The following NETO2 variants were observed in gnomAD, a reference collection of about 807,000 sequenced individuals.
NETO2 encodes the protein neuropilin and tolloid-like protein 2.
A neutral mutation model predicts 62.5 loss-of-function variants in NETO2; 28 were observed. The ratio of observed to expected loss-of-function variants is 0.45; its 90% CI spans 0.33 to 0.61. The LOEUF (loss-of-function observed/expected upper bound fraction) is 0.61. Among genes scored for constraint, NETO2 ranks in the 20% least tolerant of loss-of-function variants. The pLI, the probability that NETO2 is intolerant of heterozygous loss-of-function variation, is 0.02. For synonymous variants in NETO2, 214 were observed against 219.1 expected (o/e 0.98, Z 0.21); for missense variants, 548 against 643.2 (o/e 0.85, Z 1.60).
Position 47,082,021 on chromosome 16 carries a change from T to G in NETO2, c.*1200A>C, listed in dbSNP as rs1963070836. 1 of 152,640 alleles carries G rather than the reference T, an allele frequency of 6.6e-6. No individual in the cohort carries two copies. Among genetic ancestry groups the G allele is most frequent in the Non-Finnish European group, 1.5e-5 (1 of 68,030 alleles). 9.5% of individuals were successfully genotyped at this position (152,640 alleles called of 1,614,324 possible). A position where few individuals can be genotyped will look rare whatever the true frequency, so the allele number is the denominator to read the frequency against. On this transcript the variant is annotated 3_prime_UTR_variant, in exon 9 of 9. Coordinates refer to ENST00000562435, the MANE Select transcript of NETO2 (RefSeq NM_018092.5). ...TGAAAGGAATCTGTCCTGTAGGTCT[T>G]TCATCTTGATTTAATAAAGTTTGTA...
chr16:47,109,013 A>G (rs1289401387), intron 7 of NETO2, among the ~76,000 whole-genome samples: 1 of 152,260 alleles, frequency 6.6e-6, no homozygotes, highest in Non-Finnish European at 1.5e-5. Context: ...GAGAGAAAGT[A>G]TAAGTCTTCC....
chr16:47,123,196 C>T (rs1032775781), intron 4 of NETO2, among the ~76,000 whole-genome samples: 3 of 152,146 alleles, frequency 2.0e-5, no homozygotes, highest in African/African-American at 7.2e-5. Context: ...ATACAATATA[C>T]CAGAATATTA....
chr16:47,114,435 A>ATTT (rs1244612138), intron 6 of NETO2, among the ~76,000 whole-genome samples: 8 of 86,432 alleles, frequency 9.3e-5, no homozygotes, highest in Non-Finnish European at 1.8e-4. Flanking sequence ...CAATTTATAA[A>ATTT]TTTCTTTTTT....
At chr16:47,091,330 T>TA (rs1963309146) in intron 7 of NETO2, among the ~76,000 whole-genome samples, 1 of 152,210 alleles carries the variant, frequency 6.6e-6, no homozygotes, top group African/African-American at 2.4e-5. Context: ...TTCACCTGTT[T>TA]AATTATCAGA....
At position 47,079,383 on chromosome 16, in the gene NETO2, CAGG is replaced by C. The variant is rs1426512607; in HGVS notation, c.*3835_*3837del. On this transcript the variant is annotated 3_prime_UTR_variant, in exon 9 of 9. Coordinates refer to ENST00000562435, the MANE Select transcript of NETO2 (RefSeq NM_018092.5). The stretch of plus-strand genomic sequence containing the variant: ...GGCCGAGGCGGGTGGATCACGAGGT[CAGG>C]AGATTGAGACTATCCTGGCTAACAC... 3 of 151,436 alleles carry C rather than the reference CAGG, an allele frequency of 2.0e-5. No homozygotes were observed. The highest frequency in any genetic ancestry group is 4.4e-5 in the Non-Finnish European group (3 of 68,022). 9.4% of individuals were successfully genotyped at this position (151,436 alleles called of 1,614,324 possible).
At chr16:47,128,624 A>G in intron 3 of NETO2, 51 bp from the exon 4 acceptor site, 1 of 1,571,038 alleles carries the variant, frequency 6.4e-7, no homozygotes, top group Non-Finnish European at 8.6e-7. Flanking sequence ...GAAAGAATAT[A>G]AATGTATTGA....
chr16:47,115,004 T>A (rs768437727), intron 6 of NETO2, among the ~76,000 whole-genome samples: 1 of 152,144 alleles, frequency 6.6e-6, no homozygotes, highest in Non-Finnish European at 1.5e-5. Flanking sequence ...TGTTAGACTA[T>A]CCTTTCTCCA....
At position 47,122,798 on chromosome 16, in the gene NETO2, A is replaced by G. The variant is rs938774898; in HGVS notation, c.527-14T>C. The G allele has an allele frequency of 2.5e-6, 4 of 1,614,078 alleles. No individual in the cohort carries two copies. The highest frequency in any genetic ancestry group is 3.3e-5 in the Admixed American group (2 of 60,020). ...CGAACTGACAATCTGGAAGGAATAC[A>G]TGAAAGGTGTTCAAAGGAACATAAG... On this transcript the variant is annotated splice_polypyrimidine_tract_variant and intron_variant, in intron 5 of 8. Coordinates refer to ENST00000562435, the MANE Select transcript of NETO2 (RefSeq NM_018092.5).
chr16:47,120,740 G>A (rs1014227969), intron 6 of NETO2, among the ~76,000 whole-genome samples: 7 of 151,994 alleles, frequency 4.6e-5, no homozygotes, highest in African/African-American at 1.7e-4. Flanking sequence ...GATAATTCTG[G>A]TGTCAATCTT....
At chr16:47,139,197 G>C (rs1044361075) in intron 1 of NETO2, among the ~76,000 whole-genome samples, 6 of 152,134 alleles carry the variant, frequency 3.9e-5, no homozygotes, top group African/African-American at 1.4e-4. Flanking sequence ...AACACATGGG[G>C]GTGACTGAGC....
Position 47,083,593 on chromosome 16 carries a change from T to C in NETO2, c.1206A>G (p.Ser402=), listed in dbSNP as rs150619086. Residue 402 remains serine, a synonymous_variant, in exon 9 of 9, where the codon TCA becomes TCG. Transcript: ENST00000562435. Reference sequence around the variant, plus strand: ...CTGCAGAAATCTCTTTGTCCCTTAGTGAAAACAGTTCATAATGAGGAGGAT... The same window carrying C: ...CTGCAGAAATCTCTTTGTCCCTTAGCGAAAACAGTTCATAATGAGGAGGAT... The part of the protein sequence containing the change: ...VFDPPHYELF[S]LRDKEISADL... 9.7e-5 allele frequency: 157 copies of C among 1,614,090 alleles called. No homozygotes were observed. The highest frequency in any genetic ancestry group is 1.3e-4 in the Non-Finnish European group (156 of 1,180,058).
chr16:47,114,442 T>C (rs1963867782), intron 6 of NETO2, among the ~76,000 whole-genome samples: 1 of 106,050 alleles, frequency 9.4e-6, no homozygotes, highest in Non-Finnish European at 1.9e-5. Flanking sequence ...TAAATTTCTT[T>C]TTTTTTTTTT....
intron 5 of NETO2, 38 bp downstream of exon 5, chr16:47,122,830 C>T (rs1037036398): frequency 6.2e-7 from 1 of 1,613,426 alleles, no homozygotes; most frequent in South Asian, 1.1e-5. Context: ...TAAGACTAAT[C>T]AAAAATGCCA....
At chr16:47,090,890 G>C (rs1203815400) in intron 7 of NETO2, among the ~76,000 whole-genome samples, 1 of 152,156 alleles carries the variant, frequency 6.6e-6, no homozygotes, top group Non-Finnish European at 1.5e-5. Flanking sequence ...AGTTATATCT[G>C]CAATCTACAA....
intron 1 of NETO2, among the ~76,000 whole-genome samples, chr16:47,135,717 G>C (rs985286072): frequency 1.3e-5 from 2 of 151,504 alleles, no homozygotes; most frequent in Admixed American, 6.6e-5. Flanking sequence ...CTGTTCCTAG[G>C]CCTTCCAATT....
At chr16:47,114,840 A>C (rs1963877545) in intron 6 of NETO2, among the ~76,000 whole-genome samples, 1 of 151,912 alleles carries the variant, frequency 6.6e-6, no homozygotes, top group African/African-American at 2.4e-5. Context: ...TTCTCCTCTA[A>C]ATGTTTTATA....
intron 7 of NETO2, among the ~76,000 whole-genome samples, chr16:47,101,183 C>T (rs1044977288): frequency 4.6e-5 from 7 of 152,136 alleles, no homozygotes; most frequent in African/African-American, 1.7e-4. Flanking sequence ...ATGAGAAAAA[C>T]CACATTATTA....
At chr16:47,140,591 A>G (rs895500752) in intron 1 of NETO2, among the ~76,000 whole-genome samples, 2 of 152,250 alleles carry the variant, frequency 1.3e-5, no homozygotes, top group Non-Finnish European at 2.9e-5. Flanking sequence ...ATTTACTACA[A>G]AAAAACCATT....
intron 1 of NETO2, among the ~76,000 whole-genome samples, chr16:47,132,720 T>C (rs1026454686): frequency 6.6e-5 from 10 of 152,256 alleles, no homozygotes; most frequent in Non-Finnish European, 1.0e-4. Context: ...ACTGCCAGCC[T>C]GTCCCGAACT....
Sources: gnomAD v4.1 joint callset for allele counts (sites outside exome capture counted in the v4.1 genomes callset) on GRCh38, gnomAD v4.1.1 for gene constraint, MANE v1.5 for transcripts, NCBI Gene and HGNC (gene_info 2026-07-23, HGNC 2026-07-21) for gene names.